Variants in TM9SF3 observed in about 807,000 individuals in gnomAD.
The protein encoded by TM9SF3 is transmembrane 9 superfamily member 3.
TM9SF3 carries 14 observed loss-of-function variants against 78.6 expected under a neutral mutation model. The observed-to-expected ratio is 0.18, with a 90% CI of 0.12 to 0.28. The LOEUF is 0.28. TM9SF3 is among the 10% of genes least tolerant of loss of function. The probability of loss-of-function intolerance (pLI) is 1.00; values close to 1 mark genes in which losing one functional copy is unlikely to be tolerated. For missense variants in TM9SF3, 496 were observed against 721.9 expected, an observed-to-expected ratio of 0.69 and a Z score of 3.59; for synonymous variants, 231 against 241.7, an observed-to-expected ratio of 0.96 and a Z score of 0.41.
intron 5 of TM9SF3, among the ~76,000 whole-genome samples, chr10:96,553,948 C>T (rs1297509587): frequency 6.6e-6 from 1 of 152,188 alleles, no homozygotes; most frequent in African/African-American, 2.4e-5. Flanking sequence ...CTCCTCTCTT[C>T]AAGGCCCCAA....
chr10:96,573,178 T>C (rs190148691), intron 2 of TM9SF3, among the ~76,000 whole-genome samples: 57 of 152,306 alleles, frequency 3.7e-4, no homozygotes, highest in African/African-American at 1.3e-3. Flanking sequence ...ACACGGTAAA[T>C]ATTCCTATAG....
At chr10:96,556,389 T>C (rs1848233701) in intron 5 of TM9SF3, among the ~76,000 whole-genome samples, 1 of 152,204 alleles carries the variant, frequency 6.6e-6, no homozygotes, top group African/African-American at 2.4e-5. Context: ...GCTTCACTAT[T>C]AAGGGAACAG....
Position 96,522,194 on chromosome 10 carries a change from GT to G in TM9SF3, c.*68del. ...CCCAAATCTCTTCTTGCGTTTGTTTGTTTTTGCTGTGCAAGTTCCACCCCTA... is the reference window on the plus strand; with the variant it reads ...CCCAAATCTCTTCTTGCGTTTGTTTGTTTTGCTGTGCAAGTTCCACCCCTA... On this transcript the variant is annotated 3_prime_UTR_variant, in exon 15 of 15. Coordinates refer to ENST00000371142, the MANE Select transcript of TM9SF3 (RefSeq NM_020123.4). The G allele has an allele frequency of 7.4e-7, 1 of 1,355,954 alleles. No homozygotes were observed. Among genetic ancestry groups the G allele is most frequent in the Non-Finnish European group, 1.0e-6 (1 of 970,756 alleles). The allele number at this position is 1,355,954 out of a possible 1,614,324, so 84.0% of individuals were successfully genotyped here. A position where few individuals can be genotyped will look rare whatever the true frequency, so the allele number is the denominator to read the frequency against.
chr10:96,542,789 A>G (rs981139351), intron 9 of TM9SF3, among the ~76,000 whole-genome samples: 2 of 152,174 alleles, frequency 1.3e-5, no homozygotes, highest in African/African-American at 4.8e-5. Context: ...GGCTTGAAAA[A>G]AAAAAATTTC....
At chr10:96,575,475 G>A (rs1452053737) in intron 2 of TM9SF3, among the ~76,000 whole-genome samples, 1 of 150,218 alleles carries the variant, frequency 6.7e-6, no homozygotes, top group African/African-American at 2.5e-5. Context: ...ATGGGGAGGG[G>A]GGAGAATGTA....
At chr10:96,555,136 G>A (rs1848219580) in intron 5 of TM9SF3, among the ~76,000 whole-genome samples, 1 of 151,410 alleles carries the variant, frequency 6.6e-6, no homozygotes, top group Non-Finnish European at 1.5e-5. Context: ...AAAATTTACA[G>A]TTGTACACCC....
intron 9 of TM9SF3, among the ~76,000 whole-genome samples, chr10:96,536,847 T>C (rs1406984332): frequency 6.6e-6 from 1 of 152,240 alleles, no homozygotes; most frequent in African/African-American, 2.4e-5. Flanking sequence ...ATGCAGTGGC[T>C]ATTCACAGGC....
chr10:96,565,506 C>T, intron 2 of TM9SF3, 80 bp from the exon 3 acceptor site: 3 of 1,441,482 alleles, frequency 2.1e-6, no homozygotes, highest in African/African-American at 1.5e-5. Flanking sequence ...AAGAAAAAAG[C>T]CAACATTTCC....
chr10:96,562,293 T>C (rs2134151010), intron 3 of TM9SF3, among the ~76,000 whole-genome samples, 155 bp from the exon 4 acceptor site: 2 of 150,112 alleles, frequency 1.3e-5, no homozygotes, highest in Middle Eastern at 3.4e-3. Flanking sequence ...CCTTCTGCCA[T>C]GATTGTAAGT....
rs1445441088 is a variant in TM9SF3 at position 96,520,517 on chromosome 10, AG to A, written c.*1745del. The A allele has an allele frequency of 5.2e-6, 1 of 192,824 alleles. No homozygotes were observed. Among genetic ancestry groups the A allele is most frequent in the Non-Finnish European group, 1.0e-5 (1 of 95,400 alleles). 11.9% of individuals were successfully genotyped at this position (192,824 alleles called of 1,614,324 possible). A position where few individuals can be genotyped will look rare whatever the true frequency, so the allele number is the denominator to read the frequency against. ...TATTAATTGCATGATTTTCATATTA[AG>A]GTTTAAATACAGGTGTTTTGAGTCT... is the stretch of plus-strand genomic sequence containing the variant. On this transcript the variant is annotated 3_prime_UTR_variant, in exon 15 of 15. Coordinates refer to ENST00000371142, the MANE Select transcript of TM9SF3 (RefSeq NM_020123.4).
At chr10:96,559,069 G>C (rs1418191568) in intron 5 of TM9SF3, among the ~76,000 whole-genome samples, 1 of 151,994 alleles carries the variant, frequency 6.6e-6, no homozygotes. Flanking sequence ...GGAACTGGGA[G>C]GCCATTTCTT....
intron 4 of TM9SF3, chr10:96,560,752 A>G: frequency 5.3e-6 from 3 of 570,354 alleles, no homozygotes; most frequent in South Asian, 4.2e-5. Context: ...AATCCAGCCA[A>G]AAATGCACAA....
chr10:96,586,473 A>ACTC (rs1221955031), intron 1 of TM9SF3, among the ~76,000 whole-genome samples: 1 of 151,808 alleles, frequency 6.6e-6, no homozygotes, highest in Non-Finnish European at 1.5e-5. Flanking sequence ...GAACCCCGAG[A>ACTC]CCCTGGGGTG....
rs372608995 is a variant in TM9SF3, at chr10:96,530,531, A to G, written c.1394+9T>C. 43 of 1,604,974 alleles carry G rather than the reference A, an allele frequency of 2.7e-5. No homozygotes were observed. Among genetic ancestry groups the G allele is most frequent in the Admixed American group, 5.1e-5 (3 of 59,304 alleles). The stretch of plus-strand genomic sequence containing the variant: ...TCCCTCAAAACATAAATACATTATC[A>G]AAACTTACATTTCAATAAAGATTGA... On this transcript the variant is annotated intron_variant, in intron 11 of 14. Coordinates refer to ENST00000371142, the MANE Select transcript of TM9SF3 (RefSeq NM_020123.4).
chr10:96,524,860 C>T (rs1213065982), intron 14 of TM9SF3, among the ~76,000 whole-genome samples: 1 of 151,748 alleles, frequency 6.6e-6, no homozygotes, highest in African/African-American at 2.4e-5. Context: ...AGTTTCTCCC[C>T]ACCTGCCCCT....
intron 10 of TM9SF3, among the ~76,000 whole-genome samples, chr10:96,531,053 T>C (rs1408827542): frequency 6.6e-6 from 1 of 152,226 alleles, no homozygotes; most frequent in Admixed American, 6.5e-5. Context: ...TCCTTGGTTC[T>C]ATAATTCCTT....
Position 96,520,231 on chromosome 10 carries a change from TTTC to T in TM9SF3, c.*2029_*2031del, listed in dbSNP as rs1278601319. The T allele has an allele frequency of 6.6e-6, 1 of 151,892 alleles. No homozygotes were observed. The highest frequency in any genetic ancestry group is 1.5e-5 in the Non-Finnish European group (1 of 67,796). 9.4% of individuals were successfully genotyped at this position (151,892 alleles called of 1,614,324 possible). The stretch of plus-strand genomic sequence containing the variant: ...TAGGCAACTAAATATTAACTTTTAG[TTTC>T]TTTTTTATAAGATCTTAAAGGCAAG... On this transcript the variant is annotated 3_prime_UTR_variant, in exon 15 of 15. Coordinates refer to ENST00000371142, the MANE Select transcript of TM9SF3 (RefSeq NM_020123.4).
rs17392192 is a variant in TM9SF3 at position 96,572,255 on chromosome 10, C to A, written c.298+4379G>T. Among the ~76,000 whole-genome samples the A allele has an allele frequency of 5.4e-3, 817 of 152,164 alleles. 7 individuals carry two copies. Among genetic ancestry groups the A allele is most frequent in the Middle Eastern group, 0.017 (5 of 294 alleles). ...TGCTCTACATGCATTCTCATTTAAA[C>A]CTGACACTTCGATCAAATAAATATT... On this transcript the variant is annotated intron_variant, in intron 2 of 14. Coordinates refer to ENST00000371142, the MANE Select transcript of TM9SF3 (RefSeq NM_020123.4).
intron 9 of TM9SF3, among the ~76,000 whole-genome samples, chr10:96,539,344 C>T (rs1476822535): frequency 8.3e-6 from 1 of 120,708 alleles, no homozygotes; most frequent in African/African-American, 3.4e-5. Flanking sequence ...GGCTACAGAG[C>T]AAGACCCAGT....
Sources: gnomAD v4.1 joint callset for allele counts (sites outside exome capture counted in the v4.1 genomes callset) on GRCh38, gnomAD v4.1.1 for gene constraint, MANE v1.5 for transcripts, NCBI Gene and HGNC (gene_info 2026-07-23, HGNC 2026-07-21) for gene names.